NR2F2: variants seen among roughly 807,000 people sequenced by gnomAD.
NR2F2 encodes the protein COUP transcription factor 2.
Under a neutral mutation model 34.8 loss-of-function variants are expected in NR2F2, and 2 were observed. The ratio of observed to expected loss-of-function variants is 0.06; its 90% CI spans 0.02 to 0.18. The LOEUF is 0.18. Ranked by LOEUF, NR2F2 falls within the 10% of genes least tolerant of loss-of-function variation. The pLI, the probability that NR2F2 is intolerant of heterozygous loss-of-function variation, is 1.00. For synonymous variants in NR2F2, 274 were observed against 251.8 expected, an observed-to-expected ratio of 1.09 and a Z score of -0.84; for missense variants, 300 against 580.1, an observed-to-expected ratio of 0.52 and a Z score of 4.96.
intron 1 of NR2F2, chr15:96,333,739 T>A (rs993301846): frequency 2.3e-6 from 3 of 1,304,258 alleles, no homozygotes; most frequent in South Asian, 2.4e-5. Context: ...ATCAGCTGTT[T>A]AGCAGTAAAG....
chr15:96,331,445 GCCTCCGATCTCCTAGT>G lies in NR2F2; in HGVS notation c.-655_-640del, dbSNP rs1011038688. 8.1e-6 allele frequency: 10 copies of G among 1,231,206 alleles called. No homozygotes were observed. In the Admixed American group the frequency reaches 1.3e-4, roughly 16 times the overall value. The allele number at this position is 1,231,206 out of a possible 1,614,324, so 76.3% of individuals were successfully genotyped here. On this transcript the variant is annotated 5_prime_UTR_variant, in exon 1 of 3. It introduces an in-frame stop codon into an upstream open reading frame of the 5' UTR. Coordinates refer to ENST00000394166, the MANE Select transcript of NR2F2 (RefSeq NM_021005.4). ...CTCCCTGGGCGCGCCCGCACCCGGC[GCCTCCGATCTCCTAGT>G]CCTCCTGATTTCGATGGCTTTCCTG...
Position 96,334,110 on chromosome 15 carries a change from G to A in NR2F2, c.477G>A (p.Pro159=), listed in dbSNP as rs375495373. 7 of 1,613,366 alleles carry A rather than the reference G, an allele frequency of 4.3e-6. No individual in the cohort carries two copies. In the Admixed American group the frequency reaches 1.0e-4, roughly 23 times the overall value. ...GGGGCAGGATGCCGCCGACCCAGCC[G>A]ACCCACGGGCAGTTCGCGCTGACCA... ...VQRGRMPPTQ[P]THGQFALTNG... is the part of the protein sequence containing the mutation. Residue 159 remains proline, a synonymous_variant, in exon 2 of 3, where the codon CCG becomes CCA. Coordinates refer to ENST00000394166, the MANE Select transcript of NR2F2 (RefSeq NM_021005.4).
rs1048270597 is a variant in NR2F2, at chr15:96,337,438, C to A, written c.1061C>A (p.Pro354His). ...GAAGAATACGTTAGGAGCCAGTACC[C>A]CAACCAGCCGACGAGATTCGGAAAG... ...ALEEYVRSQY[P>H]NQPTRFGKLL... is the part of the protein sequence containing the mutation. Residue 354 changes from proline to histidine, a missense_variant, in exon 3 of 3, where the codon CCC becomes CAC. By Grantham distance (77) the Pro-to-His change is moderately conservative. This residue lies in a region of NR2F2 where 164 missense variants were observed against 365.3 expected (regional missense o/e 0.45). Coordinates refer to ENST00000394166, the MANE Select transcript of NR2F2 (RefSeq NM_021005.4). The A allele has an allele frequency of 6.2e-7, 1 of 1,614,130 alleles. No individual in the cohort carries two copies. Among genetic ancestry groups the A allele is most frequent in the Admixed American group, 1.7e-5 (1 of 60,006 alleles).
rs1292366272 is a variant in NR2F2 at position 96,331,609 on chromosome 15, C to T, written c.-497C>T. 8.3e-7 allele frequency: 1 copy of T among 1,207,060 alleles called. No homozygotes were observed. Among genetic ancestry groups the T allele is most frequent in the African/African-American group, 1.6e-5 (1 of 63,470 alleles). 74.8% of individuals were successfully genotyped at this position (1,207,060 alleles called of 1,614,324 possible). A position where few individuals can be genotyped will look rare whatever the true frequency, so the allele number is the denominator to read the frequency against. ...TCCTCCTCCTCCTCCTCCGCCAACT[C>T]CTCGGCTGCACACCAGCTCTAAGAG... is the stretch of plus-strand genomic sequence containing the variant. On this transcript the variant is annotated 5_prime_UTR_variant, in exon 1 of 3. Coordinates refer to ENST00000394166, the MANE Select transcript of NR2F2 (RefSeq NM_021005.4).
intron 1 of NR2F2, among the ~76,000 whole-genome samples, chr15:96,332,988 T>C (rs1899197197): frequency 7.1e-6 from 1 of 140,584 alleles, no homozygotes; most frequent in African/African-American, 2.7e-5. Flanking sequence ...GTACAGGAGG[T>C]TCAAATTACA....
chr15:96,329,308 A>G (rs899523094), upstream of NR2F2, among the ~76,000 whole-genome samples: 1 of 152,232 alleles, frequency 6.6e-6, no homozygotes, highest in South Asian at 2.1e-4. Flanking sequence ...TCTGAGAGCA[A>G]TTCTACATGT....
chr15:96,330,787 C>G lies in NR2F2; in HGVS notation c.-1319C>G. On this transcript the variant is annotated 5_prime_UTR_variant, in exon 1 of 3. Transcript: ENST00000394166. ...TAGCATATTTGATCACTTTGATTCT[C>G]TGTTCTTTTCTCTCCGCGGTGTGTG... is the stretch of plus-strand genomic sequence containing the variant. 3.3e-5 allele frequency: 31 copies of G among 931,964 alleles called. No individual in the cohort carries two copies. The highest frequency in any genetic ancestry group is 5.3e-5 in the South Asian group (1 of 18,790). The allele number at this position is 931,964 out of a possible 1,614,324, so 57.7% of individuals were successfully genotyped here.
In NR2F2 at chr15:96,332,038, G is replaced by T; in HGVS notation, c.-68G>T. 8.0e-7 allele frequency: 1 copy of T among 1,244,168 alleles called. No individual in the cohort carries two copies. Among genetic ancestry groups the T allele is most frequent in the Non-Finnish European group, 1.0e-6 (1 of 993,348 alleles). 77.1% of individuals were successfully genotyped at this position (1,244,168 alleles called of 1,614,324 possible). A position where few individuals can be genotyped will look rare whatever the true frequency, so the allele number is the denominator to read the frequency against. ...GGCGCGCCGGAGCCCGAGACCCGGG[G>T]AGCCGCCGCCGCCCCGCCGCCGCCC... On this transcript the variant is annotated 5_prime_UTR_variant, in exon 1 of 3. Coordinates refer to ENST00000394166, the MANE Select transcript of NR2F2 (RefSeq NM_021005.4).
At chr15:96,326,186 C>T (rs973039231), upstream of NR2F2, 6 of 825,782 alleles carry the variant, frequency 7.3e-6, no homozygotes, top group Admixed American at 4.0e-5. The surrounding 1 kb of genome is among the most constrained non-coding windows in gnomAD (Gnocchi z 5.5). Flanking sequence ...TTTGCACAAT[C>T]GCTTAGATAA....
In NR2F2 at chr15:96,334,451, C is replaced by T; in HGVS notation, c.818C>T (p.Ala273Val). ...CACGTCGCCCCGCTCCTGGCCGCCG[C>T]CGGCCTGCATGCTTCGCCCATGTCC... The part of the protein sequence containing the change: ...PLHVAPLLAA[A>V]GLHASPMSAD... Residue 273 changes from alanine to valine, a missense_variant, in exon 2 of 3, where the codon GCC becomes GTC. Ala to Val is a moderately conservative substitution (Grantham distance 64). Transcript: ENST00000394166. 1 of 1,613,966 alleles carries T rather than the reference C, an allele frequency of 6.2e-7. No homozygotes were observed. Among genetic ancestry groups the T allele is most frequent in the Non-Finnish European group, 8.5e-7 (1 of 1,179,978 alleles).
At chr15:96,334,908 T>C (rs1354909550) in intron 2 of NR2F2, among the ~76,000 whole-genome samples, 1 of 152,228 alleles carries the variant, frequency 6.6e-6, no homozygotes, top group East Asian at 1.9e-4. Flanking sequence ...TCCTGCTCCC[T>C]TTCCTGAGCC....
chr15:96,331,159 GGCGGCGGCTCCGGCGGCA>G lies in NR2F2; in HGVS notation c.-938_-921del. Reference sequence around the variant, plus strand: ...GCTCCGGGCCCGACCCGGCGGCTTCGGCGGCGGCTCCGGCGGCAGCGGCGGCCCGGGCGGCCCGCAGGG... The same window carrying G: ...GCTCCGGGCCCGACCCGGCGGCTTCGGCGGCGGCCCGGGCGGCCCGCAGGG... On this transcript the variant is annotated 5_prime_UTR_variant, in exon 1 of 3. Transcript: ENST00000394166. The G allele has an allele frequency of 2.0e-6, 2 of 1,006,682 alleles. No individual in the cohort carries two copies. The highest frequency in any genetic ancestry group is 2.4e-6 in the Non-Finnish European group (2 of 839,848). The allele number at this position is 1,006,682 out of a possible 1,614,324, so 62.4% of individuals were successfully genotyped here.
At chr15:96,327,626 G>C (rs1249555554), upstream of NR2F2, among the ~76,000 whole-genome samples, 2 of 152,214 alleles carry the variant, frequency 1.3e-5, no homozygotes, top group Non-Finnish European at 2.9e-5. Flanking sequence ...TGGAGCTCCA[G>C]TGTGGTGGAA....
intron 2 of NR2F2, 48 bp from the exon 3 acceptor site, chr15:96,337,299 CT>C (rs765667393): frequency 6.3e-7 from 1 of 1,581,872 alleles, no homozygotes; most frequent in African/African-American, 1.4e-5. Flanking sequence ...TCTTCTTCTT[CT>C]TCTTCTTTTT....
chr15:96,326,072 G>C (rs943093832), upstream of NR2F2: 81 of 590,520 alleles, frequency 1.4e-4, no homozygotes, highest in African/African-American at 1.1e-3. This position sits in a 1 kb window ranked among gnomAD's most constrained non-coding sequence, Gnocchi z 5.5. Context: ...GGTTTTCCAA[G>C]GCTGAGAGAG....
chr15:96,331,160 G>A lies in NR2F2; in HGVS notation c.-946G>A. 1 of 1,005,466 alleles carries A rather than the reference G, an allele frequency of 9.9e-7. No individual in the cohort carries two copies. The highest frequency in any genetic ancestry group is 8.0e-5 in the East Asian group (1 of 12,452). 62.3% of individuals were successfully genotyped at this position (1,005,466 alleles called of 1,614,324 possible). The stretch of plus-strand genomic sequence containing the variant: ...CTCCGGGCCCGACCCGGCGGCTTCG[G>A]CGGCGGCTCCGGCGGCAGCGGCGGC... On this transcript the variant is annotated 5_prime_UTR_variant, in exon 1 of 3. Coordinates refer to ENST00000394166, the MANE Select transcript of NR2F2 (RefSeq NM_021005.4).
In NR2F2 at chr15:96,330,774, T is replaced by C. The variant is rs1326135792; in HGVS notation, c.-1332T>C. On this transcript the variant is annotated 5_prime_UTR_variant, in exon 1 of 3. Transcript: ENST00000394166. ...GCGCCCCCCTTTTTAGCATATTTGA[T>C]CACTTTGATTCTCTGTTCTTTTCTC... 3 of 917,100 alleles carry C rather than the reference T, an allele frequency of 3.3e-6. No individual in the cohort carries two copies. In the African/African-American group the frequency reaches 5.3e-5, roughly 16 times the overall value. 56.8% of individuals were successfully genotyped at this position (917,100 alleles called of 1,614,324 possible). A position where few individuals can be genotyped will look rare whatever the true frequency, so the allele number is the denominator to read the frequency against.
chr15:96,337,108 T>C (rs1899349234), intron 2 of NR2F2, among the ~76,000 whole-genome samples: 1 of 152,120 alleles, frequency 6.6e-6, no homozygotes, highest in South Asian at 2.1e-4. Flanking sequence ...TGTTTTATTT[T>C]AAAGCAAACA....
Position 96,331,952 on chromosome 15 carries a change from G to GC in NR2F2, c.-149dup, listed in dbSNP as rs1899158610. 6 of 1,205,264 alleles carry GC rather than the reference G, an allele frequency of 5.0e-6. No homozygotes were observed. In the East Asian group the frequency reaches 1.7e-4, roughly 35 times the overall value. The allele number at this position is 1,205,264 out of a possible 1,614,324, so 74.7% of individuals were successfully genotyped here. ...AAAACTAACCAACCTCAACCAACCA[G>GC]CCCCCGAGCCACCCGGGGCGCCCTC... is the stretch of plus-strand genomic sequence containing the variant. On this transcript the variant is annotated 5_prime_UTR_variant, in exon 1 of 3. Transcript: ENST00000394166.
Sources: gnomAD v4.1 joint callset for allele counts (sites outside exome capture counted in the v4.1 genomes callset) on GRCh38, gnomAD v4.1.1 for gene constraint, gnomAD v4.1.1 regional missense constraint, Gnocchi (gnomAD v3.1) non-coding constraint, MANE v1.5 for transcripts, NCBI Gene and HGNC (gene_info 2026-07-23, HGNC 2026-07-21) for gene names.